The following HCN1 variants were observed in gnomAD, a reference collection of about 807,000 sequenced individuals.
The protein encoded by HCN1 is potassium/sodium hyperpolarization-activated cyclic nucleotide-gated channel 1.
In HCN1, 13 loss-of-function variants were observed where a neutral mutation model predicts 78.9. The ratio of observed to expected loss-of-function variants is 0.16; its 90% CI spans 0.11 to 0.26. The LOEUF is 0.26. HCN1 is among the 10% of genes least tolerant of loss of function. HCN1 has a pLI of 1.00. For missense variants in HCN1, 810 were observed against 1,154.3 expected (o/e 0.70, Z 4.32); for synonymous variants, 552 against 455.5 (o/e 1.21, Z -2.70).
At chr5:45,661,097 A>G (rs966726575) in intron 1 of HCN1, among the ~76,000 whole-genome samples, 7 of 148,266 alleles carry the variant, frequency 4.7e-5, no homozygotes, top group African/African-American at 7.6e-5. Flanking sequence ...AAATTATAAC[A>G]AACTGTCTCT....
At chr5:45,675,460 G>C (rs114091247) in intron 1 of HCN1, among the ~76,000 whole-genome samples, 357 of 151,866 alleles carry the variant, frequency 2.4e-3, no homozygotes, top group African/African-American at 8.1e-3. Flanking sequence ...ACCCAAATGT[G>C]GTTTGAGCCT....
chr5:45,665,302 G>T (rs1746014320), intron 1 of HCN1, among the ~76,000 whole-genome samples: 2 of 119,492 alleles, frequency 1.7e-5, no homozygotes, highest in East Asian at 2.8e-4. Context: ...CTGTTGTGGG[G>T]TGGGGGGAGG....
intron 2 of HCN1, among the ~76,000 whole-genome samples, chr5:45,478,991 C>T (rs974439580): frequency 2.6e-5 from 4 of 151,816 alleles, no homozygotes; most frequent in Admixed American, 6.6e-5. Flanking sequence ...CAAGGTGGCA[C>T]GTTCCTATAA....
intron 3 of HCN1, among the ~76,000 whole-genome samples, chr5:45,419,148 A>T (rs1244915872): frequency 6.6e-6 from 1 of 152,190 alleles, no homozygotes; most frequent in African/African-American, 2.4e-5. Flanking sequence ...TCCTATGTTG[A>T]AAAAACCTAA....
At chr5:45,297,478 T>C (rs1018529580) in intron 6 of HCN1, among the ~76,000 whole-genome samples, 9 of 152,068 alleles carry the variant, frequency 5.9e-5, no homozygotes, top group African/African-American at 1.9e-4. Context: ...TTCTATGATC[T>C]TGCAAAAAAT....
intron 2 of HCN1, among the ~76,000 whole-genome samples, chr5:45,464,982 C>T (rs1419556338): frequency 6.6e-6 from 1 of 152,066 alleles, no homozygotes; most frequent in East Asian, 1.9e-4. Flanking sequence ...ACTTTATTCA[C>T]CTTACTAATC....
In HCN1 at chr5:45,645,522, G is replaced by A. The variant is rs1375271702; in HGVS notation, c.512C>T (p.Thr171Ile). 1 of 1,612,292 alleles carries A rather than the reference G, an allele frequency of 6.2e-7. No individual in the cohort carries two copies. The highest frequency in any genetic ancestry group is 8.5e-7 in the Non-Finnish European group (1 of 1,179,002). ...ATTGAAAATAATCCATGGTGTTGTT[G>A]TTTGCTCTGTAAAGAATGTGATTCC... ...PVGITFFTEQ[T>I]TTPWIIFNVA... The change falls in exon 2 of 8, where the codon ACA (threonine) becomes ATA (isoleucine). Residue 171 changes from threonine to isoleucine, a missense_variant. By Grantham distance (89) the Thr-to-Ile change is moderately conservative. Coordinates refer to ENST00000303230, the MANE Select transcript of HCN1 (RefSeq NM_021072.4).
intron 5 of HCN1, among the ~76,000 whole-genome samples, chr5:45,313,701 C>T (rs142401608): frequency 7.9e-5 from 12 of 152,144 alleles, no homozygotes; most frequent in South Asian, 6.2e-4. Flanking sequence ...AACCATGGCA[C>T]GAGAACTAAG....
intron 2 of HCN1, among the ~76,000 whole-genome samples, chr5:45,528,354 T>C (rs1214122047): frequency 1.3e-5 from 2 of 152,098 alleles, no homozygotes; most frequent in Admixed American, 6.6e-5. Context: ...TTTAGAGTTA[T>C]ATAGCAAGTA....
intron 2 of HCN1, among the ~76,000 whole-genome samples, chr5:45,593,669 G>T (rs1579989199): frequency 1.7e-5 from 1 of 60,130 alleles, no homozygotes. Context: ...TATTATTATT[G>T]AATTTTATTT....
intron 2 of HCN1, among the ~76,000 whole-genome samples, chr5:45,508,948 T>C (rs1039123438): frequency 6.6e-6 from 1 of 152,154 alleles, no homozygotes; most frequent in African/African-American, 2.4e-5. Context: ...CAATTTATCC[T>C]ACTATTCAGC....
chr5:45,580,443 G>GA (rs902975184), intron 2 of HCN1, among the ~76,000 whole-genome samples: 42 of 152,086 alleles, frequency 2.8e-4, no homozygotes, highest in African/African-American at 9.6e-4. Flanking sequence ...GCAGATTACA[G>GA]AAAAAAATGC....
intron 2 of HCN1, among the ~76,000 whole-genome samples, chr5:45,614,437 G>A (rs1744903158): frequency 6.6e-6 from 1 of 152,044 alleles, no homozygotes; most frequent in Non-Finnish European, 1.5e-5. Flanking sequence ...TGTAATGCTG[G>A]TGGCAGGTCA....
At chr5:45,529,173 T>C (rs1742792840) in intron 2 of HCN1, among the ~76,000 whole-genome samples, 1 of 152,052 alleles carries the variant, frequency 6.6e-6, no homozygotes, top group Admixed American at 6.6e-5. Context: ...TGTTTTTATC[T>C]GGTTCAATGC....
At chr5:45,292,456 A>G (rs1176272107) in intron 6 of HCN1, among the ~76,000 whole-genome samples, 3 of 151,992 alleles carry the variant, frequency 2.0e-5, no homozygotes, top group Non-Finnish European at 4.4e-5. Flanking sequence ...GCTAGACATC[A>G]TTCCTACAGA....
chr5:45,685,165 AAAAGG>A (rs1450719815), intron 1 of HCN1, among the ~76,000 whole-genome samples: 1 of 152,224 alleles, frequency 6.6e-6, no homozygotes, highest in Non-Finnish European at 1.5e-5. Flanking sequence ...AATAAAAAAG[AAAAGG>A]AAAGATTTAT....
At chr5:45,281,570 T>C (rs1183021816) in intron 6 of HCN1, among the ~76,000 whole-genome samples, 1 of 145,972 alleles carries the variant, frequency 6.9e-6, no homozygotes, top group Non-Finnish European at 1.5e-5. Context: ...ATACAAGAGC[T>C]CTTCTCTTCT....
At chr5:45,263,918 T>C (rs1442090138) in intron 7 of HCN1, among the ~76,000 whole-genome samples, 7 of 152,206 alleles carry the variant, frequency 4.6e-5, no homozygotes, top group Non-Finnish European at 1.0e-4. Context: ...CTTAGCCTCC[T>C]GAGTAGCTGG....
At chr5:45,545,453 T>G (rs564880744) in intron 2 of HCN1, among the ~76,000 whole-genome samples, 3 of 152,330 alleles carry the variant, frequency 2.0e-5, no homozygotes, top group South Asian at 4.1e-4. Flanking sequence ...TTAGTTTAAT[T>G]AGATCCCATT....
Sources: gnomAD v4.1 joint callset for allele counts (sites outside exome capture counted in the v4.1 genomes callset) on GRCh38, gnomAD v4.1.1 for gene constraint, MANE v1.5 for transcripts, NCBI Gene and HGNC (gene_info 2026-07-23, HGNC 2026-07-21) for gene names.